The following KCNIP4 variants were observed in gnomAD, a reference collection of about 807,000 sequenced individuals.
The protein encoded by KCNIP4 is potassium voltage-gated channel interacting protein 4, also known as Kv channel-interacting protein 4.
In KCNIP4, 12 loss-of-function variants were observed where a neutral mutation model predicts 34.0. The observed-to-expected ratio is 0.35, with a 90% confidence interval of 0.23 to 0.57. The LOEUF (loss-of-function observed/expected upper bound fraction) is 0.57, where lower values mean the gene tolerates loss of function less well. Among genes scored for constraint, KCNIP4 ranks in the 20% least tolerant of loss-of-function variants. The pLI is 0.83. For synonymous variants in KCNIP4, 124 were observed against 102.2 expected (o/e 1.21, Z -1.29); for missense variants, 238 against 311.7 (o/e 0.76, Z 1.78).
At chr4:21,416,340 GTGTTTCACTT>G (rs1577327907) in intron 1 of KCNIP4, among the ~76,000 whole-genome samples, 2 of 152,174 alleles carry the variant, frequency 1.3e-5, no homozygotes, top group East Asian at 3.9e-4. Context: ...GGCATGTCTA[GTGTTTCACTT>G]TGTTTTCCCT....
chr4:21,718,977 T>G (rs571420073), intron 1 of KCNIP4: 1 of 152,326 alleles, frequency 6.6e-6, no homozygotes, highest in Admixed American at 6.5e-5. Flanking sequence ...TGCACTGCAT[T>G]TGTCATTTTA....
At chr4:21,555,946 T>A (rs1355665373) in intron 1 of KCNIP4, among the ~76,000 whole-genome samples, 1 of 152,100 alleles carries the variant, frequency 6.6e-6, no homozygotes, top group African/African-American at 2.4e-5. Context: ...GACACAGCTG[T>A]GCGCTGTGAA....
chr4:21,247,178 A>G (rs1760268483), intron 1 of KCNIP4, among the ~76,000 whole-genome samples: 1 of 152,188 alleles, frequency 6.6e-6, no homozygotes, highest in African/African-American at 2.4e-5. Flanking sequence ...TTTGCATTAT[A>G]TAAAATAAGA....
At chr4:21,259,776 C>A (rs895176608) in intron 1 of KCNIP4, among the ~76,000 whole-genome samples, 1 of 152,072 alleles carries the variant, frequency 6.6e-6, no homozygotes, top group Non-Finnish European at 1.5e-5. Flanking sequence ...TTGGCTGTCA[C>A]CCTGGGTGTC....
chr4:21,890,318 C>A (rs141472185), intron 1 of KCNIP4, among the ~76,000 whole-genome samples: 15 of 152,180 alleles, frequency 9.9e-5, no homozygotes, highest in African/African-American at 3.1e-4. Flanking sequence ...ATGACCACAT[C>A]CCCAGCATAA....
intron 1 of KCNIP4, among the ~76,000 whole-genome samples, chr4:20,887,202 A>C (rs1045808434): frequency 2.0e-5 from 3 of 151,936 alleles, no homozygotes; most frequent in African/African-American, 7.2e-5. Flanking sequence ...AAAAGGAAGA[A>C]ATCTGAATAA....
At chr4:20,992,388 C>T (rs1203743800) in intron 1 of KCNIP4, among the ~76,000 whole-genome samples, 2 of 152,090 alleles carry the variant, frequency 1.3e-5, no homozygotes, top group African/African-American at 4.8e-5. Context: ...CTTCTATGAT[C>T]CAATTACCTC....
intron 1 of KCNIP4, among the ~76,000 whole-genome samples, chr4:21,430,541 T>C (rs1447424941): frequency 3.3e-5 from 5 of 152,108 alleles, no homozygotes; most frequent in Non-Finnish European, 7.4e-5. Flanking sequence ...CTCAGTTCTA[T>C]GGGTGATGCT....
intron 1 of KCNIP4, among the ~76,000 whole-genome samples, chr4:21,731,111 T>A (rs1233338972): frequency 9.9e-6 from 1 of 100,800 alleles, no homozygotes; most frequent in Admixed American, 1.1e-4. Context: ...TAAGAACCTG[T>A]CTCAAAAAAA....
intron 1 of KCNIP4, among the ~76,000 whole-genome samples, chr4:21,854,114 T>C (rs1445375716): frequency 1.3e-5 from 2 of 152,188 alleles, no homozygotes; most frequent in Non-Finnish European, 2.9e-5. Context: ...TCCAAAGTGT[T>C]CCAGTTTGAG....
At chr4:21,848,870 A>G (rs1724186122) in intron 1 of KCNIP4, 1 of 152,008 alleles carries the variant, frequency 6.6e-6, no homozygotes, top group Non-Finnish European at 1.5e-5. Flanking sequence ...CTAAGAATAC[A>G]TGTGGGTTCT....
intron 1 of KCNIP4, among the ~76,000 whole-genome samples, chr4:20,949,342 G>A (rs994455503): frequency 3.3e-5 from 5 of 152,200 alleles, no homozygotes; most frequent in Admixed American, 3.3e-4. Flanking sequence ...TTGCAGCAGA[G>A]CTGATGATAG....
chr4:21,236,074 C>T (rs886069962), intron 1 of KCNIP4, among the ~76,000 whole-genome samples: 3 of 151,924 alleles, frequency 2.0e-5, no homozygotes, highest in Non-Finnish European at 2.9e-5. Flanking sequence ...GCAGGCAGAT[C>T]GCTTGAGTTC....
chr4:21,030,500 C>A (rs980849415), intron 1 of KCNIP4, among the ~76,000 whole-genome samples: 11 of 152,092 alleles, frequency 7.2e-5, no homozygotes, highest in African/African-American at 2.7e-4. Flanking sequence ...CTGCTCCCCA[C>A]GTCCATGGAA....
At chr4:21,873,842 A>G (rs1725946158) in intron 1 of KCNIP4, among the ~76,000 whole-genome samples, 1 of 152,238 alleles carries the variant, frequency 6.6e-6, no homozygotes, top group South Asian at 2.1e-4. Flanking sequence ...GCAGGCTTCT[A>G]AACAACAGAG....
At chr4:21,022,385 A>AT (rs1740155850) in intron 1 of KCNIP4, among the ~76,000 whole-genome samples, 2 of 152,340 alleles carry the variant, frequency 1.3e-5, no homozygotes, top group East Asian at 3.9e-4. Context: ...CATAACCTTT[A>AT]AGCACAATCC....
intron 3 of KCNIP4, among the ~76,000 whole-genome samples, chr4:20,805,961 G>C (rs1715024542): frequency 1.3e-5 from 2 of 152,030 alleles, no homozygotes; most frequent in Non-Finnish European, 1.5e-5. Flanking sequence ...AAGGCATGCT[G>C]TGCTTTGACA....
At chr4:21,014,443 C>T (rs925767128) in intron 1 of KCNIP4, among the ~76,000 whole-genome samples, 6 of 152,296 alleles carry the variant, frequency 3.9e-5, no homozygotes, top group Admixed American at 2.6e-4. Flanking sequence ...TGGAAATGTA[C>T]CCCTATGCCT....
At chr4:21,420,288 T>G (rs1207254113) in intron 1 of KCNIP4, among the ~76,000 whole-genome samples, 1 of 152,182 alleles carries the variant, frequency 6.6e-6, no homozygotes, top group African/African-American at 2.4e-5. Context: ...TATCCCTACA[T>G]TTCTCCCCCT....
Sources: gnomAD v4.1 joint callset for allele counts (sites outside exome capture counted in the v4.1 genomes callset) on GRCh38, gnomAD v4.1.1 for gene constraint, MANE v1.5 for transcripts, NCBI Gene and HGNC (gene_info 2026-07-23, HGNC 2026-07-21) for gene names.